Variants in C1orf21 observed in about 807,000 individuals in gnomAD.
The protein encoded by C1orf21 is chromosome 1 open reading frame 21.
Under a neutral mutation model 18.7 loss-of-function variants are expected in C1orf21, and 3 were observed. The ratio of observed to expected loss-of-function variants is 0.16; its 90% confidence interval spans 0.07 to 0.42. The LOEUF is 0.42. Ranked by LOEUF, C1orf21 falls within the 10% of genes least tolerant of loss-of-function variation. C1orf21 has a pLI of 0.99. For missense variants in C1orf21, 104 were observed against 143.6 expected (o/e 0.72, Z 1.41); for synonymous variants, 41 against 46.4 (o/e 0.88, Z 0.47).
chr1:184,399,096 C>G (rs1410819303), intron 1 of C1orf21, among the ~76,000 whole-genome samples: 1 of 152,042 alleles, frequency 6.6e-6, no homozygotes, highest in Admixed American at 6.6e-5. Context: ...ATTTCCACAC[C>G]TGAGAGATGC....
intron 5 of C1orf21, among the ~76,000 whole-genome samples, chr1:184,599,185 G>A (rs535375172): frequency 6.6e-6 from 1 of 152,262 alleles, no homozygotes; most frequent in African/African-American, 2.4e-5. Context: ...ATACAAATCC[G>A]AGTATTATAA....
intron 5 of C1orf21, among the ~76,000 whole-genome samples, chr1:184,605,655 C>A: frequency 6.6e-6 from 1 of 152,188 alleles, no homozygotes; most frequent in East Asian, 1.9e-4. Flanking sequence ...TGCTTCAAAC[C>A]TGGGCCAAAG....
intron 1 of C1orf21, among the ~76,000 whole-genome samples, chr1:184,472,987 T>G (rs1338091039): frequency 6.6e-6 from 1 of 152,178 alleles, no homozygotes; most frequent in Non-Finnish European, 1.5e-5. Flanking sequence ...GTGGGAAAAA[T>G]GTCCTGTAAA....
At chr1:184,478,986 T>G (rs1657613417) in intron 2 of C1orf21, among the ~76,000 whole-genome samples, 2 of 152,312 alleles carry the variant, frequency 1.3e-5, no homozygotes, top group African/African-American at 4.8e-5. Flanking sequence ...TTGTAATGAT[T>G]GTTTTAGTCT....
chr1:184,467,784 C>CCTA (rs1441892757), intron 1 of C1orf21, among the ~76,000 whole-genome samples: 1 of 152,112 alleles, frequency 6.6e-6, no homozygotes, highest in African/African-American at 2.4e-5. Context: ...TTATTGATTG[C>CCTA]CTACTACTAT....
intron 1 of C1orf21, among the ~76,000 whole-genome samples, chr1:184,445,206 G>A (rs1240343614): frequency 2.0e-5 from 3 of 152,176 alleles, no homozygotes; most frequent in African/African-American, 7.2e-5. Flanking sequence ...AGCTGTCACT[G>A]ACTTATGACT....
intron 3 of C1orf21, among the ~76,000 whole-genome samples, chr1:184,521,802 A>G (rs966805759): frequency 6.6e-6 from 1 of 152,192 alleles, no homozygotes; most frequent in Non-Finnish European, 1.5e-5. Context: ...TATAGAATGC[A>G]GACTGTGACA....
At chr1:184,456,448 A>G (rs1032242252) in intron 1 of C1orf21, among the ~76,000 whole-genome samples, 1 of 152,202 alleles carries the variant, frequency 6.6e-6, no homozygotes, top group Non-Finnish European at 1.5e-5. Flanking sequence ...AACCAAGTTA[A>G]GTAATTTCAC....
At chr1:184,593,641 G>A (rs151089390) in intron 4 of C1orf21, among the ~76,000 whole-genome samples, 4 of 152,292 alleles carry the variant, frequency 2.6e-5, no homozygotes, top group Admixed American at 1.3e-4. Flanking sequence ...CCTGTCTTGA[G>A]CTGGAGAACA....
intron 3 of C1orf21, among the ~76,000 whole-genome samples, chr1:184,577,483 AAAT>A (rs1479003131): frequency 6.6e-6 from 1 of 152,108 alleles, no homozygotes; most frequent in Non-Finnish European, 1.5e-5. Flanking sequence ...AGCAGTAGGA[AAAT>A]AATATAGCAG....
At chr1:184,505,306 A>AAT (rs59445875) in intron 2 of C1orf21, among the ~76,000 whole-genome samples, 13,852 of 66,276 alleles carry the variant, frequency 0.21, 1,415 homozygotes, top group Non-Finnish European at 0.26. Context: ...TACATAAAGA[A>AAT]ATATATATAT....
chr1:184,444,352 G>C (rs1310310716), intron 1 of C1orf21, among the ~76,000 whole-genome samples: 1 of 152,056 alleles, frequency 6.6e-6, no homozygotes, highest in Non-Finnish European at 1.5e-5. Flanking sequence ...TTTGAATCAT[G>C]GGGTCAGTTT....
intron 1 of C1orf21, among the ~76,000 whole-genome samples, chr1:184,472,281 T>A (rs1053490863): frequency 6.6e-6 from 1 of 152,192 alleles, no homozygotes; most frequent in African/African-American, 2.4e-5. Flanking sequence ...GATCTATTAA[T>A]AATGTGGCTG....
Position 184,463,047 on chromosome 1 carries a change from A to C in C1orf21, c.-124-14339A>C, listed in dbSNP as rs371844887. ...CAGTGAGCCGAGATCATGCCATTGC[A>C]CTCTGGCCTGGGCGACACGAGCAAG... is the stretch of plus-strand genomic sequence containing the variant. On this transcript the variant is annotated intron_variant, in intron 1 of 5. Coordinates refer to ENST00000235307, the MANE Select transcript of C1orf21 (RefSeq NM_030806.4). Among the ~76,000 whole-genome samples the C allele has an allele frequency of 1.1e-3, 153 of 143,972 alleles. 1 individual carries two copies. The highest frequency in any genetic ancestry group is 3.8e-3 in the African/African-American group (144 of 37,936). The allele number at this position is 143,972 out of a possible 152,430, so 94.5% of individuals were successfully genotyped here. A position where few individuals can be genotyped will look rare whatever the true frequency, so the allele number is the denominator to read the frequency against.
intron 1 of C1orf21, among the ~76,000 whole-genome samples, chr1:184,400,912 A>T (rs1656140805): frequency 6.6e-6 from 1 of 152,186 alleles, no homozygotes; most frequent in Non-Finnish European, 1.5e-5. Context: ...GCTAGACATT[A>T]CCAAATTCCC....
intron 1 of C1orf21, among the ~76,000 whole-genome samples, chr1:184,416,148 T>C (rs948869269): frequency 6.6e-6 from 1 of 152,236 alleles, no homozygotes; most frequent in African/African-American, 2.4e-5. Flanking sequence ...GCAAACTGAA[T>C]ATCTCTTTCT....
chr1:184,411,613 A>G (rs895660421), intron 1 of C1orf21, among the ~76,000 whole-genome samples: 35 of 152,060 alleles, frequency 2.3e-4, no homozygotes, highest in Middle Eastern at 3.4e-3. Context: ...TAATAGAGAC[A>G]GGGTTTCACT....
intron 2 of C1orf21, among the ~76,000 whole-genome samples, chr1:184,498,530 G>A (rs1339761311): frequency 6.6e-6 from 1 of 152,096 alleles, no homozygotes; most frequent in Non-Finnish European, 1.5e-5. Context: ...AGTCTCGATG[G>A]CAGTGAAGAA....
chr1:184,502,724 A>C (rs1308107371), intron 2 of C1orf21, among the ~76,000 whole-genome samples: 1 of 152,158 alleles, frequency 6.6e-6, no homozygotes. Flanking sequence ...TAGTCTCTGC[A>C]AACTTAAAGA....
Sources: gnomAD v4.1 joint callset for allele counts (sites outside exome capture counted in the v4.1 genomes callset) on GRCh38, gnomAD v4.1.1 for gene constraint, MANE v1.5 for transcripts, NCBI Gene and HGNC (gene_info 2026-07-23, HGNC 2026-07-21) for gene names.